Variants in MTO1 observed in about 807,000 individuals in gnomAD.
MTO1 encodes mitochondrial tRNA translation optimization 1, also known as 5-taurinomethyluridine-[tRNA] synthase subunit MTO1, mitochondrial.
In MTO1, 46 loss-of-function variants were observed where a neutral mutation model predicts 71.6. The ratio of observed to expected loss-of-function variants is 0.64; its 90% CI spans 0.51 to 0.82. MTO1 has a LOEUF of 0.82. Among genes scored for constraint, MTO1 ranks in the 40% least tolerant of loss-of-function variants. MTO1 has a pLI of 0.00. For synonymous variants in MTO1, 297 were observed against 312.1 expected (o/e 0.95, Z 0.51); for missense variants, 773 against 867.5 (o/e 0.89, Z 1.37).
At position 73,466,505 on chromosome 6, in the gene MTO1, C is replaced by T. The variant is rs1770997091; in HGVS notation, c.434C>T (p.Thr145Ile). The stretch of plus-strand genomic sequence containing the variant: ...TTTTGACAGAAAGAAATCTTGAATA[C>T]ACCACTGCTTACTGTTCAGGAGGGA... ...KQNMQKEILN[T>I]PLLTVQEGAV... The change falls in exon 3 of 12, where the codon ACA (threonine) becomes ATA (isoleucine). Residue 145 changes from threonine (T) to isoleucine (I), a missense_variant. Coordinates refer to ENST00000498286, the MANE Select transcript of MTO1 (RefSeq NM_012123.4). 3 of 1,614,130 alleles carry T rather than the reference C, an allele frequency of 1.9e-6. No homozygotes were observed. The highest frequency in any genetic ancestry group is 1.7e-6 in the Non-Finnish European group (2 of 1,180,008).
At chr6:73,466,121 T>A in intron 1 of MTO1, 88 bp from the exon 2 acceptor site, 1 of 1,127,404 alleles carries the variant, frequency 8.9e-7, no homozygotes, top group African/African-American at 1.6e-5. Flanking sequence ...GAGATGATTA[T>A]AGTCACCTGT....
At chr6:73,477,556 G>C (rs1203609108) in intron 4 of MTO1, among the ~76,000 whole-genome samples, 1 of 150,262 alleles carries the variant, frequency 6.7e-6, no homozygotes, top group East Asian at 2.0e-4. Flanking sequence ...GCCCAGGCTG[G>C]AGTGCAGTGG....
chr6:73,461,906 C>T lies in MTO1; in HGVS notation c.52C>T (p.Gln18Ter). 6.2e-7 allele frequency: 1 copy of T among 1,614,228 alleles called. No homozygotes were observed. Among genetic ancestry groups the T allele is most frequent in the Non-Finnish European group, 8.5e-7 (1 of 1,180,018 alleles). ...TTGGGTCGCGGTTTCCTTCACCAAG[C>T]AGCAATTTCCGTTGGCACGGTTGAG... ...GRWVAVSFTK[Q>*]QFPLARLSSD... The change falls in exon 1 of 12, where the codon CAG becomes TAG. Residue 18 changes from glutamine to a stop codon, truncating the protein, a stop_gained. Transcript: ENST00000498286. LOFTEE classifies it high-confidence loss of function.
At chr6:73,481,865 T>C (rs151139268) in intron 7 of MTO1, among the ~76,000 whole-genome samples, 175 bp from the exon 8 acceptor site, 26 of 152,282 alleles carry the variant, frequency 1.7e-4, no homozygotes, top group African/African-American at 6.3e-4. Flanking sequence ...TAAAGTGATA[T>C]ATTACCCATA....
Position 73,482,490 on chromosome 6 carries a change from A to G in MTO1, c.1507A>G (p.Arg503Gly), listed in dbSNP as rs1771534507. 6.2e-7 allele frequency: 1 copy of G among 1,613,402 alleles called. No individual in the cohort carries two copies. Among genetic ancestry groups the G allele is most frequent in the Non-Finnish European group, 8.5e-7 (1 of 1,179,864 alleles). The change falls in exon 9 of 12, where the codon AGA (arginine) becomes GGA (glycine). Residue 503 changes from arginine (R) to glycine (G), a missense_variant. Arg to Gly is a moderately radical substitution (Grantham distance 125). Transcript: ENST00000498286. ...CTGTGTGTCCCAACAACGATATGAA[A>G]GAGCTTGTTGGATGAAGTCTTCTTT... is the stretch of plus-strand genomic sequence containing the variant. ...AGCVSQQRYE[R>G]ACWMKSSLEE...
intron 4 of MTO1, among the ~76,000 whole-genome samples, chr6:73,475,624 C>T (rs1422044929): frequency 6.6e-6 from 1 of 152,024 alleles, no homozygotes; most frequent in Non-Finnish European, 1.5e-5. Flanking sequence ...GAGCAATTCT[C>T]CCGCCTCAGT....
At chr6:73,474,285 A>T (rs1361935861) in intron 4 of MTO1, among the ~76,000 whole-genome samples, 1 of 151,776 alleles carries the variant, frequency 6.6e-6, no homozygotes, top group Non-Finnish European at 1.5e-5. Flanking sequence ...GTGTTTCACC[A>T]TATTGGCCAG....
intron 7 of MTO1, 65 bp downstream of exon 7, chr6:73,480,870 G>A: frequency 2.0e-6 from 3 of 1,495,876 alleles, no homozygotes; most frequent in Non-Finnish European, 2.7e-6. Context: ...TCCTTTTAAT[G>A]TCTGTTGTGT....
At chr6:73,484,783 C>T (rs62438381) in intron 9 of MTO1, among the ~76,000 whole-genome samples, 30,766 of 151,996 alleles carry the variant, frequency 0.2, 3,251 homozygotes, top group African/African-American at 0.26. Context: ...AGGCCAGGCA[C>T]AGTGGCTCAT....
rs1228772280 is a variant in MTO1, at chr6:73,473,663, C to G, written c.825+9C>G. On this transcript the variant is annotated intron_variant, in intron 4 of 11. Coordinates refer to ENST00000498286, the MANE Select transcript of MTO1 (RefSeq NM_012123.4). ...AGACAGTATGGATTAAGGTAAGATA[C>G]TTTACGAAAACCTGGCTTACAGCTG... 4 of 1,577,390 alleles carry G rather than the reference C, an allele frequency of 2.5e-6. No individual in the cohort carries two copies. The highest frequency in any genetic ancestry group is 3.5e-6 in the Non-Finnish European group (4 of 1,156,772).
chr6:73,462,360 T>C, intron 1 of MTO1: 1 of 499,746 alleles, frequency 2.0e-6, no homozygotes, highest in South Asian at 2.8e-5. Context: ...AACTACTCGC[T>C]GGTAGCTTCT....
intron 9 of MTO1, among the ~76,000 whole-genome samples, chr6:73,490,834 C>T (rs2150041622): frequency 6.6e-6 from 1 of 151,436 alleles, no homozygotes; most frequent in Admixed American, 6.6e-5. Context: ...TAGCTAGGTC[C>T]ATTTTAGGAG....
At chr6:73,474,745 C>G (rs1312661586) in intron 4 of MTO1, among the ~76,000 whole-genome samples, 3 of 150,524 alleles carry the variant, frequency 2.0e-5, no homozygotes, top group African/African-American at 7.3e-5. Context: ...TGAGCCACTG[C>G]ACCCGACTTT....
At chr6:73,482,421 C>A in intron 8 of MTO1, 28 bp from the exon 9 acceptor site, 1 of 1,598,298 alleles carries the variant, frequency 6.3e-7, no homozygotes, top group South Asian at 1.1e-5. Context: ...CCACACTTCT[C>A]ATTATATTCT....
chr6:73,492,974 G>GTGTGTGTT (rs1771861380), intron 10 of MTO1, among the ~76,000 whole-genome samples: 1 of 95,372 alleles, frequency 1.0e-5, no homozygotes, highest in African/African-American at 3.6e-5. Flanking sequence ...ATATATGTGT[G>GTGTGTGTT]TGTGTGTGTG....
At position 73,473,385 on chromosome 6, in the gene MTO1, G is replaced by T; in HGVS notation, c.556G>T (p.Ala186Ser). The stretch of plus-strand genomic sequence containing the variant: ...TTTAGTGGATGGAAGCACAGTATAT[G>T]CAGAGAGTGTGATTCTGACTACTGG... Reference protein sequence around the residue: ...VVLVDGSTVYAESVILTTGTF... With the variant: ...VVLVDGSTVYSESVILTTGTF... The change falls in exon 4 of 12, where the codon GCA becomes TCA. Residue 186 changes from alanine (A) to serine (S), a missense_variant. Ala to Ser is a moderately conservative substitution (Grantham distance 99). Transcript: ENST00000498286. The T allele has an allele frequency of 6.2e-7, 1 of 1,613,902 alleles. No homozygotes were observed. The highest frequency in any genetic ancestry group is 1.1e-5 in the South Asian group (1 of 91,070).
intron 10 of MTO1, among the ~76,000 whole-genome samples, chr6:73,492,994 A>AT (rs1244002273): frequency 0.022 from 1,432 of 66,590 alleles, 17 homozygotes; most frequent in South Asian, 0.029. Flanking sequence ...GTGTGTGTGT[A>AT]TTTTTTTTTT....
chr6:73,482,233 T>C lies in MTO1; in HGVS notation c.1454T>C (p.Leu485Pro). The C allele has an allele frequency of 5.6e-6, 9 of 1,614,076 alleles. No individual in the cohort carries two copies. The highest frequency in any genetic ancestry group is 7.6e-6 in the Non-Finnish European group (9 of 1,179,996). Residue 485 changes from leucine (L) to proline (P), a missense_variant, in exon 8 of 12, where the codon CTC becomes CCC. Coordinates refer to ENST00000498286, the MANE Select transcript of MTO1 (RefSeq NM_012123.4). ...CGCCCTGATAATGCTGACAGCCGGC[T>C]CACACTGCGAGGTAACTCTTTCCTG... ...SLRPDNADSR[L>P]TLRGYKDAGC...
At chr6:73,473,721 C>CTTTTT (rs11417913) in intron 4 of MTO1, 67 bp downstream of exon 4, 23 of 847,880 alleles carry the variant, frequency 2.7e-5, no homozygotes, top group South Asian at 6.4e-5. Flanking sequence ...AGTACTGTAA[C>CTTTTT]TTTTTTTTTT....
Sources: allele counts gnomAD v4.1 joint callset (sites outside exome capture counted in the v4.1 genomes callset), GRCh38; gene constraint gnomAD v4.1.1; transcripts MANE v1.5; gene names NCBI Gene and HGNC (gene_info 2026-07-23, HGNC 2026-07-21).